NFATC3: variants seen among roughly 807,000 people sequenced by gnomAD.
NFATC3 encodes the protein nuclear factor of activated T-cells, cytoplasmic 3.
NFATC3 carries 46 observed loss-of-function variants against 98.6 expected under a neutral mutation model. The observed-to-expected ratio is 0.47, with a 90% CI of 0.37 to 0.60. NFATC3 has a LOEUF of 0.60. Among genes scored for constraint, NFATC3 ranks in the 20% least tolerant of loss-of-function variants. The pLI, the probability that NFATC3 is intolerant of heterozygous loss-of-function variation, is 0.00. For missense variants in NFATC3, 1,256 were observed against 1,295.5 expected, an observed-to-expected ratio of 0.97 and a Z score of 0.47; for synonymous variants, 512 against 472.2, an observed-to-expected ratio of 1.08 and a Z score of -1.09.
In NFATC3 at chr16:68,085,783, AGGTGGGTGCC is replaced by A; in HGVS notation, c.103+2_103+11del. 6.8e-7 allele frequency: 1 copy of A among 1,476,542 alleles called. No homozygotes were observed. The highest frequency in any genetic ancestry group is 8.9e-7 in the Non-Finnish European group (1 of 1,120,626). 91.5% of individuals were successfully genotyped at this position (1,476,542 alleles called of 1,614,324 possible). On this transcript the variant is annotated splice_donor_variant and splice_donor_5th_base_variant and coding_sequence_variant and intron_variant, in exon 1 of 10. Transcript: ENST00000346183. LOFTEE classifies it high-confidence loss of function. Reference sequence around the variant, plus strand: ...CGCCGCCCCCGGGCTCGCGGCCTGCAGGTGGGTGCCGGGCCAGGCGGGACCGTGGAGCGAC... The same window carrying A: ...CGCCGCCCCCGGGCTCGCGGCCTGCAGGGCCAGGCGGGACCGTGGAGCGAC...
intron 8 of NFATC3, among the ~76,000 whole-genome samples, chr16:68,184,027 A>G (rs1382676725): frequency 6.7e-6 from 1 of 149,390 alleles, no homozygotes; most frequent in African/African-American, 2.4e-5. Context: ...AAAAAAAAAG[A>G]AATGAGCTTT....
rs116867512 is a variant in NFATC3 at position 68,146,931 on chromosome 16, T to G, written c.1402-10938T>G. Among the ~76,000 whole-genome samples the G allele has an allele frequency of 9.7e-3, 1,471 of 152,382 alleles. 16 individuals are homozygous for G. The highest frequency in any genetic ancestry group is 0.017 in the Middle Eastern group (5 of 294). ...ATTTATTGCCTACAACATAAATGCTTCTCTGGAAATCAGATGGGATAATAG... is the reference window on the plus strand; with the variant it reads ...ATTTATTGCCTACAACATAAATGCTGCTCTGGAAATCAGATGGGATAATAG... On this transcript the variant is annotated intron_variant, in intron 3 of 9. Transcript: ENST00000346183.
intron 5 of NFATC3, among the ~76,000 whole-genome samples, chr16:68,168,471 T>TG (rs1042256405): frequency 6.8e-6 from 1 of 147,956 alleles, no homozygotes; most frequent in Admixed American, 6.7e-5. Context: ...CTTGTATTCT[T>TG]TTATTATTAT....
At chr16:68,135,082 G>A (rs1598421678) in intron 3 of NFATC3, among the ~76,000 whole-genome samples, 1 of 151,862 alleles carries the variant, frequency 6.6e-6, no homozygotes, top group South Asian at 2.1e-4. Flanking sequence ...ACACATCCAC[G>A]ATATCTTTGT....
chr16:68,176,128 C>G (rs952018046), intron 6 of NFATC3, among the ~76,000 whole-genome samples: 5 of 152,136 alleles, frequency 3.3e-5, no homozygotes. Context: ...CAGGCGCCCA[C>G]CACCATGCCC....
In NFATC3 at chr16:68,227,380, C is replaced by A. The variant is rs2042059479; in HGVS notation, c.*909C>A. 1 of 152,140 alleles carries A rather than the reference C, an allele frequency of 6.6e-6. No individual in the cohort carries two copies. The highest frequency in any genetic ancestry group is 1.5e-5 in the Non-Finnish European group (1 of 68,042). 9.4% of individuals were successfully genotyped at this position (152,140 alleles called of 1,614,324 possible). A position where few individuals can be genotyped will look rare whatever the true frequency, so the allele number is the denominator to read the frequency against. On this transcript the variant is annotated 3_prime_UTR_variant, in exon 10 of 10. Transcript: ENST00000346183. ...ACCTTTTCCAAACAGAAGCATCTGC[C>A]TTTGGCTGTTCTGTGACCTTTGAAG...
intron 1 of NFATC3, among the ~76,000 whole-genome samples, chr16:68,116,910 T>G (rs903275298): frequency 3.3e-5 from 5 of 152,154 alleles, no homozygotes; most frequent in African/African-American, 1.2e-4. Context: ...GCAGTACGAT[T>G]AGATGAAATT....
chr16:68,196,354 C>A (rs2040669124), intron 9 of NFATC3, among the ~76,000 whole-genome samples: 1 of 152,106 alleles, frequency 6.6e-6, no homozygotes, highest in Admixed American at 6.5e-5. Flanking sequence ...CTCCTGACCT[C>A]AGGTGATCTG....
intron 9 of NFATC3, among the ~76,000 whole-genome samples, chr16:68,204,722 G>A (rs2041070550): frequency 1.3e-5 from 2 of 152,188 alleles, no homozygotes; most frequent in African/African-American, 4.8e-5. Flanking sequence ...GTGTAAGATA[G>A]CAAAACCTGT....
At chr16:68,151,668 A>G (rs148127071) in intron 3 of NFATC3, among the ~76,000 whole-genome samples, 5 of 152,208 alleles carry the variant, frequency 3.3e-5, no homozygotes, top group African/African-American at 1.2e-4. Flanking sequence ...TCTGTAGTGC[A>G]CCCCACTTAT....
chr16:68,135,145 A>G (rs1325458588), intron 3 of NFATC3, among the ~76,000 whole-genome samples: 1 of 152,038 alleles, frequency 6.6e-6, no homozygotes, highest in Non-Finnish European at 1.5e-5. Context: ...TGAGAAATAG[A>G]TGCAATTTAA....
chr16:68,109,564 G>T (rs1462298571), intron 1 of NFATC3, among the ~76,000 whole-genome samples: 2 of 152,118 alleles, frequency 1.3e-5, no homozygotes, highest in Non-Finnish European at 2.9e-5. Context: ...TTCAGGTTTT[G>T]GTATCAGGAT....
chr16:68,214,020 T>C (rs934564405), intron 9 of NFATC3, among the ~76,000 whole-genome samples: 2 of 152,204 alleles, frequency 1.3e-5, no homozygotes, highest in South Asian at 4.1e-4. Context: ...CTAATAGATA[T>C]AATGTAATAA....
intron 3 of NFATC3, among the ~76,000 whole-genome samples, chr16:68,139,965 A>G (rs1032461674): frequency 6.6e-6 from 1 of 152,156 alleles, no homozygotes; most frequent in Non-Finnish European, 1.5e-5. Context: ...TTATTTCCAC[A>G]AGAAAGAAGA....
At position 68,085,738 on chromosome 16, in the gene NFATC3, C is replaced by T; in HGVS notation, c.57C>T (p.Gly19=). Residue 19 remains glycine, a synonymous_variant, in exon 1 of 10, where the codon GGC becomes GGT. Coordinates refer to ENST00000346183, the MANE Select transcript of NFATC3 (RefSeq NM_173165.3). ...HDELDFKLVF[G]EDGAPAPPPP... is the part of the protein sequence containing the mutation. ...AGCTCGACTTCAAACTCGTCTTTGG[C>T]GAGGACGGGGCGCCGGCGCCGCCGC... 13 of 1,509,200 alleles carry T rather than the reference C, an allele frequency of 8.6e-6. No homozygotes were observed. The highest frequency in any genetic ancestry group is 1.1e-5 in the Non-Finnish European group (12 of 1,131,852). 93.5% of individuals were successfully genotyped at this position (1,509,200 alleles called of 1,614,324 possible). A position where few individuals can be genotyped will look rare whatever the true frequency, so the allele number is the denominator to read the frequency against.
intron 9 of NFATC3, among the ~76,000 whole-genome samples, chr16:68,223,461 G>A (rs2041937751): frequency 6.6e-6 from 1 of 152,186 alleles, no homozygotes; most frequent in African/African-American, 2.4e-5. Flanking sequence ...TAGAAGTAAT[G>A]CCAAAAACCA....
At chr16:68,166,741 TG>T (rs1454035369) in intron 4 of NFATC3, 101 bp from the exon 5 acceptor site, 1 of 867,304 alleles carries the variant, frequency 1.2e-6, no homozygotes, top group Non-Finnish European at 1.7e-6. Context: ...GACCTAATTT[TG>T]GGTAGTTTTT....
At chr16:68,163,263 A>G (rs944734678) in intron 4 of NFATC3, among the ~76,000 whole-genome samples, 1 of 151,884 alleles carries the variant, frequency 6.6e-6, no homozygotes, top group African/African-American at 2.4e-5. Context: ...TACACCTCCC[A>G]GACGGGGTGG....
intron 3 of NFATC3, among the ~76,000 whole-genome samples, chr16:68,135,444 C>A (rs1366897665): frequency 8.9e-6 from 1 of 111,836 alleles, no homozygotes; most frequent in Non-Finnish European, 1.7e-5. Context: ...GGGGACACAG[C>A]GAGACTCCGT....
Sources: allele counts gnomAD v4.1 joint callset (sites outside exome capture counted in the v4.1 genomes callset), GRCh38; gene constraint gnomAD v4.1.1; transcripts MANE v1.5; gene names NCBI Gene and HGNC (gene_info 2026-07-23, HGNC 2026-07-21).